PIKFYVE: variants seen among roughly 807,000 people sequenced by gnomAD.
The protein encoded by PIKFYVE is 1-phosphatidylinositol 3-phosphate 5-kinase.
Under a neutral mutation model 257.9 loss-of-function variants are expected in PIKFYVE, and 122 were observed. That is an observed-to-expected ratio of 0.47 (90% confidence interval 0.41 to 0.55). The LOEUF is 0.55. Ranked by LOEUF, PIKFYVE falls within the 20% of genes least tolerant of loss-of-function variation. The pLI is 0.00. For missense variants in PIKFYVE, 2,160 were observed against 2,536.6 expected (o/e 0.85, Z 3.19); for synonymous variants, 892 against 868.9 (o/e 1.03, Z -0.47).
chr2:208,290,308 A>G (rs985822653), intron 7 of PIKFYVE, among the ~76,000 whole-genome samples: 9 of 152,212 alleles, frequency 5.9e-5, no homozygotes, highest in Non-Finnish European at 8.8e-5. Context: ...CATGACAATC[A>G]TTAATCTTTT....
chr2:208,305,223 C>G, intron 12 of PIKFYVE: 1 of 1,448,304 alleles, frequency 6.9e-7, no homozygotes, highest in Non-Finnish European at 9.1e-7. Flanking sequence ...TCCCTCAGCA[C>G]CACCATGCCC....
Position 208,304,190 on chromosome 2 carries a change from C to A in PIKFYVE, c.1340C>A (p.Thr447Lys), listed in dbSNP as rs774528853. ...RPLQSTEFSETPSPDSDSVNS... is the reference protein window; with the variant it reads ...RPLQSTEFSEKPSPDSDSVNS... ...TTTCAGAGTACAGAATTTTCTGAGACGCCTTCTCCCGACAGTGACTCAGTG... is the reference window on the plus strand; with the variant it reads ...TTTCAGAGTACAGAATTTTCTGAGAAGCCTTCTCCCGACAGTGACTCAGTG... The change falls in exon 11 of 42, where the codon ACG (threonine) becomes AAG (lysine). Residue 447 changes from threonine to lysine, a missense_variant. By Grantham distance (78) the Thr-to-Lys change is moderately conservative. Around this residue, in one of 12 missense-constraint regions of PIKFYVE, gnomAD observed 90 missense variants for 110.6 expected, o/e 0.81. Transcript: ENST00000264380. The A allele has an allele frequency of 1.2e-6, 2 of 1,614,126 alleles. No homozygotes were observed. Among genetic ancestry groups the A allele is most frequent in the South Asian group, 2.2e-5 (2 of 91,084 alleles).
chr2:208,284,208 A>G (rs78861489), intron 5 of PIKFYVE, among the ~76,000 whole-genome samples: 4 of 152,116 alleles, frequency 2.6e-5, no homozygotes, highest in African/African-American at 9.6e-5. Flanking sequence ...CAAAAAATAC[A>G]TATTTAGAAA....
Position 208,317,933 on chromosome 2 carries a change from C to T in PIKFYVE, c.2074C>T (p.His692Tyr). Residue 692 changes from histidine to tyrosine, a missense_variant, in exon 16 of 42, where the codon CAT becomes TAT. Around this residue, in one of 12 missense-constraint regions of PIKFYVE, gnomAD observed 346 missense variants for 365.6 expected, o/e 0.95. Transcript: ENST00000264380. Reference sequence around the variant, plus strand: ...CTTTGTTTGTACCAAGAACATTGCACATAAAAAGGTAATGTGATTCAGTTC... The same window carrying T: ...CTTTGTTTGTACCAAGAACATTGCATATAAAAAGGTAATGTGATTCAGTTC... ...NGFVCTKNIA[H>Y]KKMSSCIKNP... The T allele has an allele frequency of 1.2e-6, 2 of 1,613,376 alleles. No individual in the cohort carries two copies. Among genetic ancestry groups the T allele is most frequent in the Non-Finnish European group, 1.7e-6 (2 of 1,179,372 alleles).
In PIKFYVE at chr2:208,315,208, C is replaced by G. The variant is rs1695358473; in HGVS notation, c.1842C>G (p.Asn614Lys). The G allele has an allele frequency of 6.2e-7, 1 of 1,613,774 alleles. No homozygotes were observed. Among genetic ancestry groups the G allele is most frequent in the Non-Finnish European group, 8.5e-7 (1 of 1,179,718 alleles). ...ATTTTTGTAGTTCAGCTAATCATAA[C>G]CACATGATGGCACTACTCCAGCAGT... is the stretch of plus-strand genomic sequence containing the variant. ...AMERLLSANH[N>K]HMMALLQQLL... The change falls in exon 15 of 42, where the codon AAC becomes AAG. Residue 614 changes from asparagine to lysine, a missense_variant. This residue lies in a region of PIKFYVE where 346 missense variants were observed against 365.6 expected (regional missense o/e 0.95). Transcript: ENST00000264380.
chr2:208,267,432 G>T (rs1413493983), intron 1 of PIKFYVE, among the ~76,000 whole-genome samples: 1 of 150,222 alleles, frequency 6.7e-6, no homozygotes, highest in Non-Finnish European at 1.5e-5. Flanking sequence ...GTCAAAAATT[G>T]AACAAGAAAT....
At chr2:208,315,996 G>C (rs1695469671) in intron 15 of PIKFYVE, among the ~76,000 whole-genome samples, 1 of 149,962 alleles carries the variant, frequency 6.7e-6, no homozygotes, top group Admixed American at 6.6e-5. Flanking sequence ...TTTAGCATTA[G>C]GTATATCACC....
At chr2:208,345,375 C>T (rs1699134546) in intron 33 of PIKFYVE, among the ~76,000 whole-genome samples, 181 bp downstream of exon 33, 1 of 152,048 alleles carries the variant, frequency 6.6e-6, no homozygotes, top group Non-Finnish European at 1.5e-5. Flanking sequence ...AGAACTTAAA[C>T]AGTCCCTCAG....
At chr2:208,281,321 C>T (rs1268412530) in intron 5 of PIKFYVE, among the ~76,000 whole-genome samples, 1 of 152,290 alleles carries the variant, frequency 6.6e-6, no homozygotes, top group East Asian at 1.9e-4. Context: ...CCCTTTTAAC[C>T]CCTTGAGCTG....
At chr2:208,302,421 G>A (rs1347341830) in intron 10 of PIKFYVE, 68 bp downstream of exon 10, 1 of 1,340,304 alleles carries the variant, frequency 7.5e-7, no homozygotes, top group African/African-American at 1.4e-5. Flanking sequence ...TTCATCAGTG[G>A]GAATAAAAAG....
rs1353116651 is a variant in PIKFYVE, at chr2:208,323,667, A to T, written c.2191-475A>T. Among the ~76,000 whole-genome samples, 3 of 152,176 alleles carry T rather than the reference A, an allele frequency of 2.0e-5. No homozygotes were observed. In the East Asian group the frequency reaches 5.8e-4, roughly 29 times the overall value. ...GGTCAAATGGTATTTCTAGTTCTAGATCCCTGAGGAATCACCACACTGTCT... is the reference window on the plus strand; with the variant it reads ...GGTCAAATGGTATTTCTAGTTCTAGTTCCCTGAGGAATCACCACACTGTCT... On this transcript the variant is annotated intron_variant, in intron 17 of 41. Coordinates refer to ENST00000264380, the MANE Select transcript of PIKFYVE (RefSeq NM_015040.4).
At chr2:208,310,039 T>C (rs1200696584) in intron 12 of PIKFYVE, among the ~76,000 whole-genome samples, 3 of 152,220 alleles carry the variant, frequency 2.0e-5, no homozygotes, top group Non-Finnish European at 4.4e-5. Flanking sequence ...TTACTGGCTT[T>C]CACAGTTCTC....
At chr2:208,306,845 T>C (rs1213281998) in intron 12 of PIKFYVE, among the ~76,000 whole-genome samples, 2 of 151,852 alleles carry the variant, frequency 1.3e-5, no homozygotes, top group Non-Finnish European at 2.9e-5. Flanking sequence ...TGGCGCGATC[T>C]TGGCTCACTG....
At chr2:208,307,848 A>G (rs1574548933) in intron 12 of PIKFYVE, among the ~76,000 whole-genome samples, 1 of 137,934 alleles carries the variant, frequency 7.2e-6, no homozygotes, top group African/African-American at 3.2e-5. Context: ...TTTGTAGACA[A>G]AGAGGACAAT....
rs182404155 is a variant in PIKFYVE at position 208,330,666 on chromosome 2, C to T, written c.3935C>T (p.Thr1312Ile). The T allele has an allele frequency of 3.7e-6, 6 of 1,613,898 alleles. No homozygotes were observed. The highest frequency in any genetic ancestry group is 2.2e-5 in the East Asian group (1 of 44,880). ...PVPGYQHTIL[T>I]YSWCRICKQV... ...CCTGGATATCAGCATACAATTCTTACATATTCCTGGTGTAGAATCTGCAAA... is the reference window on the plus strand; with the variant it reads ...CCTGGATATCAGCATACAATTCTTATATATTCCTGGTGTAGAATCTGCAAA... Residue 1312 changes from threonine (T) to isoleucine (I), a missense_variant, in exon 23 of 42, where the codon ACA becomes ATA. This residue lies in a region of PIKFYVE where 55 missense variants were observed against 103.0 expected (regional missense o/e 0.53). Coordinates refer to ENST00000264380, the MANE Select transcript of PIKFYVE (RefSeq NM_015040.4).
intron 17 of PIKFYVE, among the ~76,000 whole-genome samples, chr2:208,320,889 A>C (rs1477755118): frequency 6.6e-6 from 1 of 152,182 alleles, no homozygotes; most frequent in Non-Finnish European, 1.5e-5. Flanking sequence ...CTCTATTTTA[A>C]GAAAGTAAAA....
intron 5 of PIKFYVE, among the ~76,000 whole-genome samples, chr2:208,278,348 C>T (rs956310872): frequency 1.3e-5 from 2 of 151,896 alleles, no homozygotes; most frequent in African/African-American, 4.8e-5. Context: ...ATCTGTCACC[C>T]AGAACCCCAT....
At chr2:208,310,652 G>A (rs1210053459) in intron 12 of PIKFYVE, among the ~76,000 whole-genome samples, 1 of 152,128 alleles carries the variant, frequency 6.6e-6, no homozygotes, top group Non-Finnish European at 1.5e-5. Flanking sequence ...AACACACCAT[G>A]AGAAAACAAT....
intron 4 of PIKFYVE, 111 bp downstream of exon 4, chr2:208,276,941 C>G (rs1020467358): frequency 2.0e-4 from 167 of 816,734 alleles, no homozygotes; most frequent in Non-Finnish European, 3.1e-4. Context: ...AGCGCTTCCT[C>G]CAGCTGTGAG....
Sources: gnomAD v4.1 joint callset for allele counts (sites outside exome capture counted in the v4.1 genomes callset) on GRCh38, gnomAD v4.1.1 for gene constraint, gnomAD v4.1.1 regional missense constraint, MANE v1.5 for transcripts, NCBI Gene and HGNC (gene_info 2026-07-23, HGNC 2026-07-21) for gene names.